VPS8: variants seen among roughly 807,000 people sequenced by gnomAD.
VPS8 encodes the protein VPS8 subunit of CORVET complex.
A neutral mutation model predicts 216.4 loss-of-function variants in VPS8; 129 were observed. That is an observed-to-expected ratio of 0.60 (90% CI 0.52 to 0.69). VPS8 has a LOEUF of 0.69. VPS8 is among the 30% of genes least tolerant of loss of function. The pLI, the probability that VPS8 is intolerant of heterozygous loss-of-function variation, is 0.00. For synonymous variants in VPS8, 571 were observed against 565.4 expected, an observed-to-expected ratio of 1.01 and a Z score of -0.14; for missense variants, 1,531 against 1,683.5, an observed-to-expected ratio of 0.91 and a Z score of 1.59.
intron 29 of VPS8, among the ~76,000 whole-genome samples, chr3:184,923,613 A>G (rs1225359041): frequency 6.6e-6 from 1 of 152,188 alleles, no homozygotes; most frequent in African/African-American, 2.4e-5. Context: ...GTAGCTCCCC[A>G]GTTTTCTGTA....
At chr3:185,037,201 GT>G (rs1323470871) in intron 46 of VPS8, among the ~76,000 whole-genome samples, 1 of 151,934 alleles carries the variant, frequency 6.6e-6, no homozygotes, top group Non-Finnish European at 1.5e-5. Context: ...ATCTGGGAAA[GT>G]TTTTATGTCA....
chr3:185,035,539 C>T (rs1758763939), intron 46 of VPS8, among the ~76,000 whole-genome samples: 1 of 152,118 alleles, frequency 6.6e-6, no homozygotes, highest in Admixed American at 6.6e-5. Context: ...GCAGAAAAGT[C>T]TTTCAATGAA....
rs1172216101 is a variant in VPS8 at position 184,955,258 on chromosome 3, T to C, written c.3036-2116T>C. Reference sequence around the variant, plus strand: ...CAGTGGTCACTCTCCTTGTCCACTTTCATGTTCCTCCCGTACTCCTGGTTC... The same window carrying C: ...CAGTGGTCACTCTCCTTGTCCACTTCCATGTTCCTCCCGTACTCCTGGTTC... On this transcript the variant is annotated intron_variant, in intron 36 of 47. Transcript: ENST00000625842. 2.6e-5 allele frequency among the ~76,000 whole-genome samples: 4 copies of C among 152,210 alleles called. No individual in the cohort carries two copies. The East Asian group carries it at 7.7e-4, about 29-fold the overall frequency.
intron 39 of VPS8, among the ~76,000 whole-genome samples, chr3:184,967,604 G>A (rs1396071737): frequency 2.6e-5 from 4 of 152,074 alleles, no homozygotes; most frequent in South Asian, 2.1e-4. Flanking sequence ...TTAGGAGGCC[G>A]AGGCAGGTGG....
At chr3:185,020,394 CTTTG>C (rs1295939139) in intron 45 of VPS8, among the ~76,000 whole-genome samples, 1 of 150,232 alleles carries the variant, frequency 6.7e-6, no homozygotes, top group African/African-American at 2.5e-5. Context: ...TTTTTATTTG[CTTTG>C]TTTGAGCTGT....
chr3:185,005,270 A>G (rs534633853), intron 45 of VPS8, among the ~76,000 whole-genome samples: 22 of 152,322 alleles, frequency 1.4e-4, no homozygotes, highest in Non-Finnish European at 2.9e-4. Flanking sequence ...TGTATTGGTA[A>G]CCATACCGTT....
chr3:184,989,325 G>A (rs1044758510), intron 42 of VPS8, among the ~76,000 whole-genome samples: 5 of 152,244 alleles, frequency 3.3e-5, no homozygotes, highest in South Asian at 2.1e-4. Flanking sequence ...ATGAGTGGGC[G>A]TTGGATTTTA....
Position 184,858,104 on chromosome 3 carries a change from A to C in VPS8, c.1144-1881A>C, listed in dbSNP as rs531906077. 2.6e-5 allele frequency among the ~76,000 whole-genome samples: 4 copies of C among 152,310 alleles called. No individual in the cohort carries two copies. The South Asian group carries it at 8.3e-4, about 32-fold the overall frequency. ...GGAGTGTGCAAGAAAGCCCAGGTTGAATTGAATGCCATGAATTTCAGGTGG... is the reference window on the plus strand; with the variant it reads ...GGAGTGTGCAAGAAAGCCCAGGTTGCATTGAATGCCATGAATTTCAGGTGG... On this transcript the variant is annotated intron_variant, in intron 14 of 47. Coordinates refer to ENST00000625842, the MANE Select transcript of VPS8 (RefSeq NM_001009921.3).
intron 40 of VPS8, among the ~76,000 whole-genome samples, chr3:184,980,816 T>C (rs1750076338): frequency 6.6e-6 from 1 of 152,220 alleles, no homozygotes; most frequent in South Asian, 2.1e-4. Context: ...ATTCTGTATC[T>C]GTCATTTCAG....
chr3:184,981,080 G>T lies in VPS8; in HGVS notation c.3421-1486G>T, dbSNP rs574058091. Among the ~76,000 whole-genome samples, 3 of 152,282 alleles carry T rather than the reference G, an allele frequency of 2.0e-5. No homozygotes were observed. The East Asian group carries it at 5.8e-4, about 29-fold the overall frequency. On this transcript the variant is annotated intron_variant, in intron 40 of 47. Coordinates refer to ENST00000625842, the MANE Select transcript of VPS8 (RefSeq NM_001009921.3). Reference sequence around the variant, plus strand: ...TTCCGGAAGATTTCAGGGGGCCAAGGCTCAGCTCAGCACTACTGAGCTGCT... The same window carrying T: ...TTCCGGAAGATTTCAGGGGGCCAAGTCTCAGCTCAGCACTACTGAGCTGCT...
At chr3:185,001,773 G>A (rs527554419) in intron 45 of VPS8, among the ~76,000 whole-genome samples, 25 of 152,236 alleles carry the variant, frequency 1.6e-4, no homozygotes. Context: ...CTATCCAGGG[G>A]TCTCCAGCCA....
intron 14 of VPS8, among the ~76,000 whole-genome samples, chr3:184,858,240 A>G (rs547443316): frequency 2.0e-5 from 3 of 152,394 alleles, no homozygotes; most frequent in South Asian, 4.1e-4. Flanking sequence ...ACTTATATAC[A>G]TATAAATAAA....
chr3:185,021,091 A>G (rs925358695), intron 45 of VPS8, among the ~76,000 whole-genome samples: 2 of 152,206 alleles, frequency 1.3e-5, no homozygotes, highest in Admixed American at 6.6e-5. Context: ...CCAAAAAACA[A>G]GATGATAAAG....
At chr3:184,925,385 C>T (rs983441494) in intron 30 of VPS8, among the ~76,000 whole-genome samples, 4 of 152,130 alleles carry the variant, frequency 2.6e-5, no homozygotes, top group African/African-American at 9.7e-5. Flanking sequence ...AGCTATTTTT[C>T]CACAGGTGGC....
chr3:184,949,361 G>GA (rs1486810013), intron 36 of VPS8, among the ~76,000 whole-genome samples: 1 of 152,164 alleles, frequency 6.6e-6, no homozygotes, highest in Non-Finnish European at 1.5e-5. Flanking sequence ...CAGGGAAGTG[G>GA]AAAGTGACCA....
At chr3:184,944,339 G>C (rs1743294602) in intron 36 of VPS8, among the ~76,000 whole-genome samples, 1 of 152,158 alleles carries the variant, frequency 6.6e-6, no homozygotes, top group Non-Finnish European at 1.5e-5. Flanking sequence ...CCTGAATTAA[G>C]GACAACAGCT....
intron 34 of VPS8, among the ~76,000 whole-genome samples, chr3:184,932,121 TTTG>T (rs1359594524): frequency 6.6e-6 from 1 of 152,154 alleles, no homozygotes; most frequent in Non-Finnish European, 1.5e-5. Context: ...TGTATAAGCT[TTTG>T]TTGAAGGACT....
intron 13 of VPS8, 61 bp downstream of exon 13, chr3:184,854,234 A>T: frequency 6.4e-7 from 1 of 1,570,730 alleles, no homozygotes; most frequent in Non-Finnish European, 8.7e-7. Context: ...GTTGAGAGAG[A>T]TGGCTTGCAA....
Position 185,043,742 on chromosome 3 carries a change from T to C in VPS8, c.4057-4737T>C, listed in dbSNP as rs7610117. 6.4e-3 allele frequency among the ~76,000 whole-genome samples: 981 copies of C among 152,310 alleles called. 9 individuals carry two copies. Among genetic ancestry groups the C allele is most frequent in the African/African-American group, 0.022 (929 of 41,562 alleles). The stretch of plus-strand genomic sequence containing the variant: ...TCTCATGGGTCTTTTGTTTATACTT[T>C]ATAGAATGATGGGATGAGTTTTGAA... On this transcript the variant is annotated intron_variant, in intron 46 of 47. Coordinates refer to ENST00000625842, the MANE Select transcript of VPS8 (RefSeq NM_001009921.3).
Sources: gnomAD v4.1 joint callset for allele counts (sites outside exome capture counted in the v4.1 genomes callset) on GRCh38, gnomAD v4.1.1 for gene constraint, MANE v1.5 for transcripts, NCBI Gene and HGNC (gene_info 2026-07-23, HGNC 2026-07-21) for gene names.